The following TATDN2 variants were observed in gnomAD, a reference collection of about 807,000 sequenced individuals.
TATDN2 encodes the protein TatD DNase domain containing 2.
Under a neutral mutation model 60.3 loss-of-function variants are expected in TATDN2, and 44 were observed. That is an observed-to-expected ratio of 0.73 (90% CI 0.57 to 0.94). The LOEUF is 0.94. Among genes scored for constraint, TATDN2 ranks in the 40% least tolerant of loss-of-function variants. The pLI is 0.00. For synonymous variants in TATDN2, 399 were observed against 355.8 expected (o/e 1.12, Z -1.37); for missense variants, 997 against 948.0 (o/e 1.05, Z -0.68).
At position 10,270,177 on chromosome 3, in the gene TATDN2, A is replaced by G; in HGVS notation, c.995A>G (p.Asp332Gly). 1 of 1,613,830 alleles carries G rather than the reference A, an allele frequency of 6.2e-7. No individual in the cohort carries two copies. Among genetic ancestry groups the G allele is most frequent in the Non-Finnish European group, 8.5e-7 (1 of 1,179,922 alleles). Residue 332 changes from aspartate to glycine, a missense_variant, in exon 4 of 8, where the codon GAC becomes GGC. By Grantham distance (94) the Asp-to-Gly change is moderately conservative. Coordinates refer to ENST00000448281, the MANE Select transcript of TATDN2 (RefSeq NM_014760.4). Reference sequence around the variant, plus strand: ...ATGGAGCACCCCTCTTCTGGAAGTGACTGGTCTGATGTTGAGGAGATCTCC... The same window carrying G: ...ATGGAGCACCCCTCTTCTGGAAGTGGCTGGTCTGATGTTGAGGAGATCTCC... ...VVMEHPSSGS[D>G]WSDVEEISTV...
intron 3 of TATDN2, among the ~76,000 whole-genome samples, chr3:10,265,067 C>T: frequency 1.4e-5 from 1 of 73,826 alleles, no homozygotes; most frequent in African/African-American, 5.2e-5. Context: ...TTTATTGCTG[C>T]CAATTTTTTT....
chr3:10,264,262 T>C (rs1298101697), intron 3 of TATDN2, among the ~76,000 whole-genome samples: 1 of 152,194 alleles, frequency 6.6e-6, no homozygotes, highest in African/African-American at 2.4e-5. Flanking sequence ...GAGTGCCTGC[T>C]CTGTTCTAAG....
chr3:10,265,366 C>T (rs774837253), intron 3 of TATDN2, among the ~76,000 whole-genome samples: 1 of 130,372 alleles, frequency 7.7e-6, no homozygotes, highest in Admixed American at 8.0e-5. Flanking sequence ...CATGAGCTAC[C>T]ACGCCCGGCC....
intron 2 of TATDN2, among the ~76,000 whole-genome samples, chr3:10,252,168 A>AAAAAT (rs1456090362): frequency 7.3e-6 from 1 of 136,418 alleles, no homozygotes; most frequent in Non-Finnish European, 1.6e-5. Context: ...AAAAAAAAAA[A>AAAAAT]TTTTTTTTTT....
At position 10,252,089 on chromosome 3, in the gene TATDN2, A is replaced by G. The variant is rs542425042; in HGVS notation, c.414+2475A>G. Among the ~76,000 whole-genome samples, 10 of 145,834 alleles carry G rather than the reference A, an allele frequency of 6.9e-5. No homozygotes were observed. In the South Asian group the frequency reaches 2.2e-3, roughly 33 times the overall value. ...CATGAACCCAGGAGGCAGAGCTTGC[A>G]GTGAACCGAGATCAAGGCACTGCAC... On this transcript the variant is annotated intron_variant, in intron 2 of 7. Transcript: ENST00000448281.
chr3:10,262,052 TTTTTCCTTTGG>T (rs1345992470), intron 3 of TATDN2, among the ~76,000 whole-genome samples: 6 of 152,222 alleles, frequency 3.9e-5, no homozygotes, highest in Admixed American at 1.3e-4. Flanking sequence ...CATTACTTTG[TTTTTCCTTTGG>T]TTTTCCTGGT....
Position 10,278,605 on chromosome 3 carries a change from C to G in TATDN2, c.2145+143C>G. ...CTGTGTAGATGCCTCCTTGCTGTTA[C>G]TCTGCAGAACCAAAAGTCTAGGGGG... is the stretch of plus-strand genomic sequence containing the variant. On this transcript the variant is annotated intron_variant, in intron 6 of 7. Transcript: ENST00000448281. The surrounding 1 kb of genome is among the most constrained non-coding windows in gnomAD (Gnocchi z 4.7). 2 of 1,179,444 alleles carry G rather than the reference C, an allele frequency of 1.7e-6. No individual in the cohort carries two copies. The highest frequency in any genetic ancestry group is 2.5e-6 in the Non-Finnish European group (2 of 802,994). The allele number at this position is 1,179,444 out of a possible 1,614,324, so 73.1% of individuals were successfully genotyped here.
Position 10,278,210 on chromosome 3 carries a change from G to T in TATDN2, c.1962-69G>T. ...GGGAATCATTGAAAAGGGGTGATGG[G>T]TGTGGGGGGAGCTGGGGGCTGCTGC... On this transcript the variant is annotated intron_variant, in intron 5 of 7. Transcript: ENST00000448281. This position sits in a 1 kb window ranked among gnomAD's most constrained non-coding sequence, Gnocchi z 4.7. The T allele has an allele frequency of 1.3e-6, 2 of 1,526,370 alleles. No homozygotes were observed. The highest frequency in any genetic ancestry group is 1.8e-6 in the Non-Finnish European group (2 of 1,115,780). 94.6% of individuals were successfully genotyped at this position (1,526,370 alleles called of 1,614,324 possible).
intron 3 of TATDN2, among the ~76,000 whole-genome samples, chr3:10,266,162 G>T (rs988218232): frequency 6.6e-6 from 1 of 152,116 alleles, no homozygotes; most frequent in Non-Finnish European, 1.5e-5. Context: ...TATATTTCCT[G>T]TAACTTTAGA....
At chr3:10,263,387 T>C (rs1698434925) in intron 3 of TATDN2, among the ~76,000 whole-genome samples, 1 of 152,298 alleles carries the variant, frequency 6.6e-6, no homozygotes, top group East Asian at 1.9e-4. Flanking sequence ...TTTCTTTCCG[T>C]ATTTTTCTTC....
In TATDN2 at chr3:10,278,876, G is replaced by A; in HGVS notation, c.2146-9G>A. The stretch of plus-strand genomic sequence containing the variant: ...CACAATGATGTTATGACCACTTGAT[G>A]TCTTCCAGGTTCCCAAAAGCCTTTG... On this transcript the variant is annotated splice_polypyrimidine_tract_variant and intron_variant, in intron 6 of 7. Coordinates refer to ENST00000448281, the MANE Select transcript of TATDN2 (RefSeq NM_014760.4). This position sits in a 1 kb window ranked among gnomAD's most constrained non-coding sequence, Gnocchi z 4.7. 2 of 1,614,014 alleles carry A rather than the reference G, an allele frequency of 1.2e-6. No individual in the cohort carries two copies. The highest frequency in any genetic ancestry group is 1.1e-5 in the South Asian group (1 of 91,052).
intron 5 of TATDN2, among the ~76,000 whole-genome samples, chr3:10,277,791 A>C (rs901886789): frequency 6.6e-6 from 1 of 152,186 alleles, no homozygotes; most frequent in Non-Finnish European, 1.5e-5. Context: ...GGAGGCCCTA[A>C]ATTTACAGAT....
intron 4 of TATDN2, among the ~76,000 whole-genome samples, chr3:10,273,565 A>G (rs1698595781): frequency 6.6e-6 from 1 of 151,410 alleles, no homozygotes; most frequent in Non-Finnish European, 1.5e-5. Context: ...AGATGAGCCA[A>G]GGCAACATAG....
At chr3:10,277,352 G>T (rs1014963701) in intron 5 of TATDN2, among the ~76,000 whole-genome samples, 5 of 152,182 alleles carry the variant, frequency 3.3e-5, no homozygotes, top group African/African-American at 1.2e-4. Context: ...TGGAGGTGCT[G>T]CCAGGAGACA....
chr3:10,269,915 A>C (rs950948376), intron 3 of TATDN2, among the ~76,000 whole-genome samples: 3 of 152,092 alleles, frequency 2.0e-5, no homozygotes, highest in African/African-American at 7.2e-5. Context: ...TATTCCCTGA[A>C]CCCAATACAG....
At chr3:10,254,266 CAG>C (rs1465268567) in intron 2 of TATDN2, among the ~76,000 whole-genome samples, 2 of 152,106 alleles carry the variant, frequency 1.3e-5, no homozygotes, top group Non-Finnish European at 2.9e-5. Context: ...ACCCAAGGGT[CAG>C]GGGAATGAGC....
rs765787784 is a variant in TATDN2, at chr3:10,249,298, C to T, written c.98C>T (p.Ala33Val). The change falls in exon 2 of 8, where the codon GCC (alanine) becomes GTC (valine). Residue 33 changes from alanine (A) to valine (V), a missense_variant. Physicochemically the swap from Ala to Val is moderately conservative, Grantham distance 64. Transcript: ENST00000448281. ...TGCCTCCGGGAGCCCTGTGATGTGGCCCCCTCCAGCCGGCCAGCTCAGAGG... is the reference window on the plus strand; with the variant it reads ...TGCCTCCGGGAGCCCTGTGATGTGGTCCCCTCCAGCCGGCCAGCTCAGAGG... The part of the protein sequence containing the change: ...RSCLREPCDV[A>V]PSSRPAQRSA... The T allele has an allele frequency of 4.4e-6, 7 of 1,605,060 alleles. No homozygotes were observed. Among genetic ancestry groups the T allele is most frequent in the Non-Finnish European group, 6.0e-6 (7 of 1,174,354 alleles).
Position 10,278,136 on chromosome 3 carries a change from T to C in TATDN2, c.1962-143T>C. 3.1e-6 allele frequency: 3 copies of C among 966,812 alleles called. No homozygotes were observed. The highest frequency in any genetic ancestry group is 4.6e-6 in the Non-Finnish European group (3 of 646,020). 59.9% of individuals were successfully genotyped at this position (966,812 alleles called of 1,614,324 possible). A position where few individuals can be genotyped will look rare whatever the true frequency, so the allele number is the denominator to read the frequency against. On this transcript the variant is annotated intron_variant, in intron 5 of 7. Coordinates refer to ENST00000448281, the MANE Select transcript of TATDN2 (RefSeq NM_014760.4). The surrounding 1 kb of genome is among the most constrained non-coding windows in gnomAD (Gnocchi z 4.7). Reference sequence around the variant, plus strand: ...CTTCCTGTGTTGGAGCCAGCCCTTGTCTGTGTTTACTGTGGAGTCCTTCCC... The same window carrying C: ...CTTCCTGTGTTGGAGCCAGCCCTTGCCTGTGTTTACTGTGGAGTCCTTCCC...
intron 4 of TATDN2, among the ~76,000 whole-genome samples, chr3:10,273,084 G>C: frequency 6.6e-6 from 1 of 152,064 alleles, no homozygotes; most frequent in East Asian, 1.9e-4. Flanking sequence ...GGGGCGACCT[G>C]CACAACAAAC....
Sources: allele counts gnomAD v4.1 joint callset (sites outside exome capture counted in the v4.1 genomes callset), GRCh38; gene constraint gnomAD v4.1.1; non-coding constraint Gnocchi (gnomAD v3.1); transcripts MANE v1.5; gene names NCBI Gene and HGNC (gene_info 2026-07-23, HGNC 2026-07-21).